Variants in NRL observed in about 807,000 individuals in gnomAD.
NRL encodes the protein neural retina-specific leucine zipper protein.
In NRL, 16 loss-of-function variants were observed where a neutral mutation model predicts 12.5. The ratio of observed to expected loss-of-function variants is 1.28; its 90% CI spans 0.87 to 1.95. The LOEUF (loss-of-function observed/expected upper bound fraction) is 1.95. Among genes scored for constraint, NRL ranks in the 30% most tolerant of loss-of-function variants. NRL has a pLI of 0.00. For missense variants in NRL, 314 were observed against 325.8 expected, an observed-to-expected ratio of 0.96 and a Z score of 0.28; for synonymous variants, 142 against 150.9, an observed-to-expected ratio of 0.94 and a Z score of 0.43.
At chr14:24,089,879 G>A (rs2036567743) in intron 1 of NRL, among the ~76,000 whole-genome samples, 1 of 152,144 alleles carries the variant, frequency 6.6e-6, no homozygotes, top group Admixed American at 6.5e-5. Context: ...TTGTGAGGCA[G>A]GAAAGATGTA....
chr14:24,114,824 G>C lies in NRL; in HGVS notation c.-130C>G, dbSNP rs557150735. ...GCCAGGAAGCCGCGAGATGCGTGAC[G>C]AGCGAAGCGCGTGACGGAGGAGCGG... On this transcript the variant is annotated 5_prime_UTR_variant, in exon 1 of 3. Transcript: ENST00000561028. 2.0e-6 allele frequency: 2 copies of C among 985,848 alleles called. No homozygotes were observed. The highest frequency in any genetic ancestry group is 2.4e-6 in the Non-Finnish European group (2 of 829,976). 61.1% of individuals were successfully genotyped at this position (985,848 alleles called of 1,614,324 possible). A position where few individuals can be genotyped will look rare whatever the true frequency, so the allele number is the denominator to read the frequency against.
At chr14:24,090,184 G>A (rs146936158) in intron 1 of NRL, among the ~76,000 whole-genome samples, 59 of 147,328 alleles carry the variant, frequency 4.0e-4, no homozygotes, top group African/African-American at 1.4e-3. Flanking sequence ...GAGGACTAAT[G>A]CCGTAACCAA....
chr14:24,113,390 AT>A (rs1004721759), intron 1 of NRL, among the ~76,000 whole-genome samples: 10 of 151,910 alleles, frequency 6.6e-5, no homozygotes, highest in African/African-American at 9.7e-5. Flanking sequence ...AAAAAAAAAA[AT>A]GATTCCGTCA....
chr14:24,097,253 T>C, intron 1 of NRL: 1 of 988,534 alleles, frequency 1.0e-6, no homozygotes, highest in Non-Finnish European at 1.5e-6. Context: ...ATGAGAGCTT[T>C]GGGGTAAACA....
chr14:24,094,221 C>T lies in NRL; in HGVS notation c.-27-11346G>A, dbSNP rs1289335372. On this transcript the variant is annotated intron_variant, in intron 1 of 2. Coordinates refer to ENST00000561028, the MANE Select transcript of NRL (RefSeq NM_001354768.3). This position sits in a 1 kb window ranked among gnomAD's most constrained non-coding sequence, Gnocchi z 4.1. ...GGGGCCGAGGGAGCTGGCCTGCCAGCGGGGCGGAGGAAAGCTAGTGCCAGC... is the reference window on the plus strand; with the variant it reads ...GGGGCCGAGGGAGCTGGCCTGCCAGTGGGGCGGAGGAAAGCTAGTGCCAGC... 7 of 588,812 alleles carry T rather than the reference C, an allele frequency of 1.2e-5. No individual in the cohort carries two copies. The highest frequency in any genetic ancestry group is 1.7e-5 in the Non-Finnish European group (6 of 344,598). 36.5% of individuals were successfully genotyped at this position (588,812 alleles called of 1,614,324 possible). A position where few individuals can be genotyped will look rare whatever the true frequency, so the allele number is the denominator to read the frequency against.
intron 1 of NRL, among the ~76,000 whole-genome samples, chr14:24,109,567 G>A (rs1372678546): frequency 2.0e-5 from 3 of 151,972 alleles, no homozygotes; most frequent in Non-Finnish European, 4.4e-5. Context: ...GCATGGTGGC[G>A]GGCGCCTGTA....
intron 1 of NRL, among the ~76,000 whole-genome samples, chr14:24,088,230 G>T (rs2036512934): frequency 6.6e-6 from 1 of 152,184 alleles, no homozygotes; most frequent in South Asian, 2.1e-4. Flanking sequence ...TGTCCAAAAG[G>T]CCCAAGCCCA....
rs913335886 is a variant in NRL, at chr14:24,095,758, G to A, written c.-27-12883C>T. Among the ~76,000 whole-genome samples the A allele has an allele frequency of 2.6e-5, 4 of 152,334 alleles. No homozygotes were observed. In the East Asian group the frequency reaches 5.8e-4, roughly 22 times the overall value. On this transcript the variant is annotated intron_variant, in intron 1 of 2. Coordinates refer to ENST00000561028, the MANE Select transcript of NRL (RefSeq NM_001354768.3). ...TGAGTCCAGGCCAATCAGAGCAGAC[G>A]TTGCTTCTCTGTCTCCCAGGGCCAT...
chr14:24,082,402 T>C, intron 2 of NRL, 66 bp downstream of exon 2: 3 of 1,601,106 alleles, frequency 1.9e-6, no homozygotes, highest in Admixed American at 1.7e-5. Flanking sequence ...GGAGCTCCCC[T>C]TCCTCTCTTG....
chr14:24,099,525 C>A, intron 1 of NRL: 1 of 1,547,870 alleles, frequency 6.5e-7, no homozygotes, highest in Admixed American at 2.0e-5. Flanking sequence ...TTTTGGTGAC[C>A]TCTTTCTTAT....
intron 1 of NRL, chr14:24,100,697 A>G (rs1028739276): frequency 2.0e-5 from 7 of 342,654 alleles, no homozygotes; most frequent in East Asian, 1.6e-4. Flanking sequence ...CTCTGCTCCA[A>G]CTCTCCTCCT....
chr14:24,100,025 G>A (rs1414763956), intron 1 of NRL: 1 of 1,614,058 alleles, frequency 6.2e-7, no homozygotes, highest in Non-Finnish European at 8.5e-7. Context: ...CCTGAGAACG[G>A]CTTCTTTGGG....
At position 24,098,679 on chromosome 14, in the gene NRL, G is replaced by T; in HGVS notation, c.-27-15804C>A. 6.2e-7 allele frequency: 1 copy of T among 1,612,660 alleles called. No homozygotes were observed. Among genetic ancestry groups the T allele is most frequent in the Non-Finnish European group, 8.5e-7 (1 of 1,179,280 alleles). On this transcript the variant is annotated intron_variant, in intron 1 of 2. Coordinates refer to ENST00000561028, the MANE Select transcript of NRL (RefSeq NM_001354768.3). Reference sequence around the variant, plus strand: ...GTGGGCCAGCCCCTGACAGGACAAGGTAAGCACCTGCTCTGCCCCAAGGGG... The same window carrying T: ...GTGGGCCAGCCCCTGACAGGACAAGTTAAGCACCTGCTCTGCCCCAAGGGG...
Position 24,081,192 on chromosome 14 carries a change from C to T in NRL, c.*44G>A. 7.6e-7 allele frequency: 1 copy of T among 1,314,980 alleles called. No homozygotes were observed. Among genetic ancestry groups the T allele is most frequent in the East Asian group, 3.1e-5 (1 of 32,724 alleles). 81.5% of individuals were successfully genotyped at this position (1,314,980 alleles called of 1,614,324 possible). A position where few individuals can be genotyped will look rare whatever the true frequency, so the allele number is the denominator to read the frequency against. On this transcript the variant is annotated 3_prime_UTR_variant, in exon 3 of 3. Transcript: ENST00000561028. This position sits in a 1 kb window ranked among gnomAD's most constrained non-coding sequence, Gnocchi z 4.4. ...CGTGCAGCCGCCTCCTGGGCGGAGC[C>T]ACCCCACCCAGCCCCCACTACACCA... is the stretch of plus-strand genomic sequence containing the variant.
At position 24,094,524 on chromosome 14, in the gene NRL, C is replaced by A; in HGVS notation, c.-27-11649G>T. The A allele has an allele frequency of 9.0e-6, 13 of 1,448,016 alleles. No homozygotes were observed. Among genetic ancestry groups the A allele is most frequent in the Middle Eastern group, 2.0e-4 (1 of 4,894 alleles). The allele number at this position is 1,448,016 out of a possible 1,614,324, so 89.7% of individuals were successfully genotyped here. A position where few individuals can be genotyped will look rare whatever the true frequency, so the allele number is the denominator to read the frequency against. ...AGTGGCGCTCTCCTGCTCTCAGCCT[C>A]CGCCAGGTTTCCCATCCTAGGCGGA... On this transcript the variant is annotated intron_variant, in intron 1 of 2. Transcript: ENST00000561028. This position sits in a 1 kb window ranked among gnomAD's most constrained non-coding sequence, Gnocchi z 4.1.
At position 24,081,322 on chromosome 14, in the gene NRL, G is replaced by C. The variant is rs1392368186; in HGVS notation, c.628C>G (p.Arg210Gly). The change falls in exon 3 of 3, where the codon CGG becomes GGG. Residue 210 changes from arginine to glycine, a missense_variant. Coordinates refer to ENST00000561028, the MANE Select transcript of NRL (RefSeq NM_001354768.3). The surrounding 1 kb of genome is among the most constrained non-coding windows in gnomAD (Gnocchi z 4.4). ...ALRAEVARLARERDLYKARCD... is the reference protein window; with the variant it reads ...ALRAEVARLAGERDLYKARCD... Reference sequence around the variant, plus strand: ...CGAGCCTTGTAGAGATCGCGCTCCCGGGCCAGGCGGGCCACCTCGGCCCGC... The same window carrying C: ...CGAGCCTTGTAGAGATCGCGCTCCCCGGCCAGGCGGGCCACCTCGGCCCGC... 4 of 1,478,904 alleles carry C rather than the reference G, an allele frequency of 2.7e-6. No homozygotes were observed. Among genetic ancestry groups the C allele is most frequent in the Non-Finnish European group, 3.6e-6 (4 of 1,113,330 alleles). 91.6% of individuals were successfully genotyped at this position (1,478,904 alleles called of 1,614,324 possible).
rs967520621 is a variant in NRL, at chr14:24,094,268, G to A, written c.-27-11393C>T. 6 of 799,912 alleles carry A rather than the reference G, an allele frequency of 7.5e-6. No homozygotes were observed. The highest frequency in any genetic ancestry group is 3.6e-5 in the African/African-American group (2 of 54,890). 49.6% of individuals were successfully genotyped at this position (799,912 alleles called of 1,614,324 possible). A position where few individuals can be genotyped will look rare whatever the true frequency, so the allele number is the denominator to read the frequency against. Reference sequence around the variant, plus strand: ...CAGCCCTACCAGGTTCCGCCCCCGCGCCTGCCCCCCTCCTTTTTAAGCGCC... The same window carrying A: ...CAGCCCTACCAGGTTCCGCCCCCGCACCTGCCCCCCTCCTTTTTAAGCGCC... On this transcript the variant is annotated intron_variant, in intron 1 of 2. Transcript: ENST00000561028. The surrounding 1 kb of genome is among the most constrained non-coding windows in gnomAD (Gnocchi z 4.1).
chr14:24,103,348 G>A (rs1399095039), intron 1 of NRL: 1 of 1,191,494 alleles, frequency 8.4e-7, no homozygotes. Flanking sequence ...GTCCACCCCT[G>A]GAGTCTGATA....
At chr14:24,088,073 A>T (rs1220385976) in intron 1 of NRL, among the ~76,000 whole-genome samples, 1 of 152,058 alleles carries the variant, frequency 6.6e-6, no homozygotes, top group Non-Finnish European at 1.5e-5. Flanking sequence ...CCCAGGCAGG[A>T]GTGGCCCCTG....
Sources: allele counts gnomAD v4.1 joint callset (sites outside exome capture counted in the v4.1 genomes callset), GRCh38; gene constraint gnomAD v4.1.1; non-coding constraint Gnocchi (gnomAD v3.1); transcripts MANE v1.5; gene names NCBI Gene and HGNC (gene_info 2026-07-23, HGNC 2026-07-21).